The following OASL variants were observed in gnomAD, a reference collection of about 807,000 sequenced individuals.
The protein encoded by OASL is 2'-5'-oligoadenylate synthetase like.
In OASL, 28 loss-of-function variants were observed where a neutral mutation model predicts 35.3. The ratio of observed to expected loss-of-function variants is 0.79; its 90% confidence interval spans 0.59 to 1.09. OASL has a LOEUF of 1.09. OASL is among the 50% of genes least tolerant of loss of function. OASL has a pLI of 0.00. For missense variants in OASL, 620 were observed against 635.2 expected, an observed-to-expected ratio of 0.98 and a Z score of 0.26; for synonymous variants, 252 against 254.6, an observed-to-expected ratio of 0.99 and a Z score of 0.10.
At chr12:121,030,274 G>A (rs556118979) in intron 3 of OASL, among the ~76,000 whole-genome samples, 115 of 152,076 alleles carry the variant, frequency 7.6e-4, no homozygotes, top group African/African-American at 2.6e-3. Context: ...GCGCGATCTC[G>A]GCTCACTGCA....
intron 4 of OASL, among the ~76,000 whole-genome samples, chr12:121,025,974 G>T (rs1869467216): frequency 6.6e-6 from 1 of 152,122 alleles, no homozygotes; most frequent in Non-Finnish European, 1.5e-5. Flanking sequence ...ATGGGGTGGG[G>T]TCACTGATCT....
At chr12:121,020,178 G>C (rs930083041) in exon 6 of OASL, 3 of 173,580 alleles carry the variant, frequency 1.7e-5, no homozygotes, top group Non-Finnish European at 2.5e-5. Flanking sequence ...CTGTGGCCTG[G>C]GCAGGAGTGT....
intron 1 of OASL, among the ~76,000 whole-genome samples, chr12:121,035,579 C>T (rs1592940267): frequency 6.6e-6 from 1 of 151,722 alleles, no homozygotes; most frequent in Non-Finnish European, 1.5e-5. Flanking sequence ...GAGGTGGGTA[C>T]TAGGAGAATT....
intron 3 of OASL, among the ~76,000 whole-genome samples, chr12:121,029,062 C>T (rs1290290497): frequency 1.5e-4 from 5 of 32,818 alleles, no homozygotes; most frequent in Admixed American, 1.4e-3. Flanking sequence ...GAACTTGTCT[C>T]AGAAAAAAAA....
In OASL at chr12:121,021,112, G is replaced by A. The variant is rs900662090; in HGVS notation, c.1048-54C>T. 9 of 1,488,986 alleles carry A rather than the reference G, an allele frequency of 6.0e-6. No homozygotes were observed. The African/African-American group carries it at 8.4e-5, about 14-fold the overall frequency. 92.2% of individuals were successfully genotyped at this position (1,488,986 alleles called of 1,614,324 possible). ...TTAAGTCCACACTTCTTTGTCTGAT[G>A]TGCAAATGTTCCCTTCATCTGTCCT... On this transcript the variant is annotated intron_variant, in intron 5 of 5. Transcript: ENST00000257570.
chr12:121,031,372 A>T lies in OASL; in HGVS notation c.657+70T>A, dbSNP rs1448490279. 6 of 1,501,300 alleles carry T rather than the reference A, an allele frequency of 4.0e-6. 1 individual carries two copies. The East Asian group carries it at 1.4e-4, about 34-fold the overall frequency. 93.0% of individuals were successfully genotyped at this position (1,501,300 alleles called of 1,614,324 possible). On this transcript the variant is annotated intron_variant, in intron 3 of 5. Transcript: ENST00000257570. ...CCTGGCTGCAGCTTCCTGAGATGAA[A>T]ATCAGGCCCTGCCTTTCCTCCTCAC... is the stretch of plus-strand genomic sequence containing the variant.
In OASL at chr12:121,034,372, G is replaced by A. The variant is rs566916501; in HGVS notation, c.199-629C>T. On this transcript the variant is annotated intron_variant, in intron 1 of 5. Transcript: ENST00000257570. Reference sequence around the variant, plus strand: ...TGTAGTGACTGGGTTTTGGCATGTCGCCCAGGCTGGTCTCGAACTCCTGGA... The same window carrying A: ...TGTAGTGACTGGGTTTTGGCATGTCACCCAGGCTGGTCTCGAACTCCTGGA... Among the ~76,000 whole-genome samples, 125 of 152,136 alleles carry A rather than the reference G, an allele frequency of 8.2e-4. 1 individual carries two copies. Among genetic ancestry groups the A allele is most frequent in the African/African-American group, 2.7e-3 (111 of 41,496 alleles).
At chr12:121,034,799 G>A (rs981959972) in intron 1 of OASL, among the ~76,000 whole-genome samples, 1 of 152,058 alleles carries the variant, frequency 6.6e-6, no homozygotes, top group African/African-American at 2.4e-5. Flanking sequence ...CGTTTGGTGG[G>A]GTGCCTGGCA....
At chr12:121,020,470 G>T in exon 6 of OASL, 1 of 1,326,392 alleles carries the variant, frequency 7.5e-7, no homozygotes, top group South Asian at 1.4e-5. Flanking sequence ...GAAGACCTGG[G>T]ACCTTCCCAG....
chr12:121,035,085 G>T (rs1225931303), intron 1 of OASL, among the ~76,000 whole-genome samples: 2 of 152,044 alleles, frequency 1.3e-5, no homozygotes, highest in Non-Finnish European at 2.9e-5. Context: ...TTTTCTTGGT[G>T]GTTGGAGTCA....
At chr12:121,019,457 T>C in exon 6 of OASL, 1 of 152,204 alleles carries the variant, frequency 6.6e-6, no homozygotes, top group East Asian at 1.9e-4. Context: ...ATAATAAAGA[T>C]GCTATTACTT....
At position 121,021,052 on chromosome 12, in the gene OASL, G is replaced by A. The variant is rs377516123; in HGVS notation, c.1054C>T (p.Arg352Ter). Residue 352 changes from arginine to a stop codon, truncating the protein, a stop_gained, in exon 6 of 6, where the codon CGA becomes TGA. Coordinates refer to ENST00000257570, the Ensembl canonical transcript of OASL. LOFTEE classifies it low-confidence loss of function (END_TRUNC). ...TGCTCCACTGTCAAGTGGATGTCTC[G>A]TGCCCTCTGGAAGGGAGAGGGAGAA... 4.4e-5 allele frequency: 70 copies of A among 1,578,092 alleles called. No individual in the cohort carries two copies. The highest frequency in any genetic ancestry group is 5.6e-5 in the Non-Finnish European group (65 of 1,166,128).
intron 1 of OASL, among the ~76,000 whole-genome samples, chr12:121,034,918 G>A (rs949939523): frequency 6.6e-6 from 1 of 152,108 alleles, no homozygotes; most frequent in African/African-American, 2.4e-5. Context: ...GAAGGAGGTC[G>A]AGAAGGGATT....
intron 4 of OASL, among the ~76,000 whole-genome samples, chr12:121,025,759 T>TAA (rs11408808): frequency 0.042 from 5,855 of 139,220 alleles, 148 homozygotes; most frequent in South Asian, 0.086. Context: ...AAGACTCCAT[T>TAA]AAAAAAAAAA....
Position 121,024,252 on chromosome 12 carries a change from C to T in OASL, c.900-115G>A, listed in dbSNP as rs550385578. On this transcript the variant is annotated intron_variant, in intron 4 of 5. Coordinates refer to ENST00000257570, the Ensembl canonical transcript of OASL. ...CCACTGAGAATTGTGATATCCACAT[C>T]CCGGGGATGTTCAAGAGGGCCCCAA... is the stretch of plus-strand genomic sequence containing the variant. 2.3e-4 allele frequency: 261 copies of T among 1,146,428 alleles called. 1 individual carries two copies. The highest frequency in any genetic ancestry group is 2.2e-3 in the African/African-American group (145 of 64,630). The allele number at this position is 1,146,428 out of a possible 1,614,324, so 71.0% of individuals were successfully genotyped here.
At chr12:121,022,334 C>T (rs746707307) in intron 5 of OASL, among the ~76,000 whole-genome samples, 3 of 152,140 alleles carry the variant, frequency 2.0e-5, no homozygotes, top group Non-Finnish European at 4.4e-5. Flanking sequence ...ATCTGCCCAC[C>T]TCGGCCTCCC....
At chr12:121,039,016 T>C in exon 1 of OASL, 6 of 1,541,840 alleles carry the variant, frequency 3.9e-6, no homozygotes, top group Non-Finnish European at 5.4e-6. Context: ...ATAGCCAGGC[T>C]CCTACCCAGC....
At chr12:121,035,503 C>T (rs1002794436) in intron 1 of OASL, among the ~76,000 whole-genome samples, 4 of 143,846 alleles carry the variant, frequency 2.8e-5, no homozygotes, top group Admixed American at 7.2e-5. Flanking sequence ...CCAGCCTGGG[C>T]GACACAGCGA....
rs778940699 is a variant in OASL, at chr12:121,020,987, A to T, written c.1119T>A (p.Tyr373Ter). ...TCTCTTTAACCTTCCTTATGGGCTC[A>T]TAAGGGTTCACGATGAGGTTGAAAT... is the stretch of plus-strand genomic sequence containing the variant. The change falls in exon 6 of 6, where the codon TAT becomes TAA. Residue 373 changes from tyrosine (Y) to a stop codon, truncating the protein, a stop_gained. Coordinates refer to ENST00000257570, the Ensembl canonical transcript of OASL. LOFTEE classifies it low-confidence loss of function (END_TRUNC). 3.7e-6 allele frequency: 6 copies of T among 1,613,690 alleles called. No homozygotes were observed. Among genetic ancestry groups the T allele is most frequent in the Non-Finnish European group, 5.1e-6 (6 of 1,179,940 alleles).
Sources: allele counts gnomAD v4.1 joint callset (sites outside exome capture counted in the v4.1 genomes callset), GRCh38; gene constraint gnomAD v4.1.1; transcripts MANE v1.5; gene names NCBI Gene and HGNC (gene_info 2026-07-23, HGNC 2026-07-21).